The following AGO2 variants were observed in gnomAD, a reference collection of about 807,000 sequenced individuals.
The protein encoded by AGO2 is argonaute RISC catalytic component 2.
Under a neutral mutation model 102.3 loss-of-function variants are expected in AGO2, and 5 were observed. The observed-to-expected ratio is 0.05, with a 90% CI of 0.03 to 0.10. AGO2 has a LOEUF of 0.10. AGO2 is among the 10% of genes least tolerant of loss of function. AGO2 has a pLI of 1.00. For synonymous variants in AGO2, 449 were observed against 473.1 expected (o/e 0.95, Z 0.66); for missense variants, 541 against 1,183.7 (o/e 0.46, Z 7.97).
chr8:140,551,225 T>G, intron 11 of AGO2, 78 bp downstream of exon 11: 1 of 1,387,464 alleles, frequency 7.2e-7, no homozygotes, highest in Non-Finnish European at 9.4e-7. Flanking sequence ...CCAACCAGAG[T>G]CAGCCCTGCA....
At chr8:140,574,920 C>A (rs2073441649) in intron 2 of AGO2, among the ~76,000 whole-genome samples, 1 of 152,188 alleles carries the variant, frequency 6.6e-6, no homozygotes. Context: ...TCCTTCCATT[C>A]CTTTCCCAAA....
At chr8:140,591,220 T>A (rs2073742406) in intron 1 of AGO2, among the ~76,000 whole-genome samples, 1 of 152,210 alleles carries the variant, frequency 6.6e-6, no homozygotes, top group Admixed American at 6.5e-5. Flanking sequence ...TCTCCCTGAG[T>A]AGAAATTATT....
chr8:140,578,355 G>A (rs2073499034), intron 2 of AGO2, among the ~76,000 whole-genome samples: 1 of 152,236 alleles, frequency 6.6e-6, no homozygotes, highest in Non-Finnish European at 1.5e-5. Flanking sequence ...GCGGCATTGA[G>A]TGTGTCCATG....
intron 1 of AGO2, among the ~76,000 whole-genome samples, chr8:140,611,750 T>G (rs2074081307): frequency 6.6e-6 from 1 of 152,186 alleles, no homozygotes; most frequent in Admixed American, 6.5e-5. Flanking sequence ...TTTCGAGCTG[T>G]GACCTCGAGT....
At chr8:140,596,501 T>C (rs2073846127) in intron 1 of AGO2, among the ~76,000 whole-genome samples, 1 of 152,202 alleles carries the variant, frequency 6.6e-6, no homozygotes, top group Admixed American at 6.5e-5. Flanking sequence ...GATAATCACC[T>C]GAACCCTGGA....
At position 140,618,364 on chromosome 8, in the gene AGO2, G is replaced by A. The variant is rs114334971; in HGVS notation, c.22+17121C>T. 6.5e-3 allele frequency among the ~76,000 whole-genome samples: 981 copies of A among 151,074 alleles called. 15 individuals carry two copies. The highest frequency in any genetic ancestry group is 0.023 in the African/African-American group (934 of 41,180). On this transcript the variant is annotated intron_variant, in intron 1 of 18. Coordinates refer to ENST00000220592, the MANE Select transcript of AGO2 (RefSeq NM_012154.5). ...GTTGGCCAAGGGTAATGGCTCACAC[G>A]TATAATCTCAGCACTTTGGGAGGCC...
chr8:140,601,679 G>C (rs2073935436), intron 1 of AGO2, among the ~76,000 whole-genome samples: 1 of 152,238 alleles, frequency 6.6e-6, no homozygotes, highest in Non-Finnish European at 1.5e-5. Flanking sequence ...CTTGGTGTTT[G>C]CCTAGAACCT....
At chr8:140,602,380 C>G (rs1449562441) in intron 1 of AGO2, among the ~76,000 whole-genome samples, 8 of 152,184 alleles carry the variant, frequency 5.3e-5, no homozygotes. Flanking sequence ...TCCAGCATTT[C>G]GACTCAGCAT....
At chr8:140,634,368 C>A (rs1464325893) in intron 1 of AGO2, among the ~76,000 whole-genome samples, 3 of 152,264 alleles carry the variant, frequency 2.0e-5, no homozygotes, top group Non-Finnish European at 4.4e-5. Context: ...GGAATGCGAG[C>A]CTCCTCGCCC....
intron 11 of AGO2, among the ~76,000 whole-genome samples, chr8:140,549,617 C>T (rs1466208268): frequency 2.6e-5 from 4 of 152,274 alleles, no homozygotes; most frequent in Admixed American, 2.6e-4. Context: ...GTGGCGGCCC[C>T]AGGGCAGTGA....
At chr8:140,640,849 C>T in the AGO2 span, among the ~76,000 whole-genome samples, 3 of 152,140 alleles carry the variant, frequency 2.0e-5, no homozygotes, top group Non-Finnish European at 2.9e-5. Context: ...GATGTGAAGA[C>T]CACCCAGAGC....
At chr8:140,532,827 T>G in intron 17 of AGO2, 2 of 505,040 alleles carry the variant, frequency 4.0e-6, no homozygotes, top group Non-Finnish European at 7.1e-6. Flanking sequence ...AAACCCCATC[T>G]CTACTAAAAA....
At chr8:140,536,065 C>A (rs1305044270) in intron 16 of AGO2, among the ~76,000 whole-genome samples, 2 of 152,200 alleles carry the variant, frequency 1.3e-5, no homozygotes, top group Admixed American at 1.3e-4. Context: ...GCGCCCAGCA[C>A]CTGAGAGAGC....
chr8:140,577,973 C>A (rs923577018), intron 2 of AGO2, among the ~76,000 whole-genome samples: 12 of 152,192 alleles, frequency 7.9e-5, no homozygotes, highest in Non-Finnish European at 4.4e-5. Context: ...GGAGGCTGTT[C>A]GGTCATGCCA....
chr8:140,614,882 T>C (rs1341534777), intron 1 of AGO2, among the ~76,000 whole-genome samples: 2 of 152,212 alleles, frequency 1.3e-5, no homozygotes, highest in Non-Finnish European at 2.9e-5. Context: ...ACTGAAGTCA[T>C]GAGAACTCAC....
chr8:140,618,019 T>C (rs1341404894), intron 1 of AGO2, among the ~76,000 whole-genome samples: 3 of 144,668 alleles, frequency 2.1e-5, no homozygotes, highest in East Asian at 2.1e-4. Context: ...AAAAAAAAAG[T>C]TGGGCCAGGC....
rs962880316 is a variant in AGO2 at position 140,567,033 on chromosome 8, C to T, written c.337-4399G>A. ...AGCACTCGGCATCCAGCCTACAGTG[C>T]TGTGCCCTGGCACGGATCGGATGCC... is the stretch of plus-strand genomic sequence containing the variant. On this transcript the variant is annotated intron_variant, in intron 3 of 18. Transcript: ENST00000220592. This position sits in a 1 kb window ranked among gnomAD's most constrained non-coding sequence, Gnocchi z 5.0. 1.3e-5 allele frequency among the ~76,000 whole-genome samples: 2 copies of T among 152,382 alleles called. No individual in the cohort carries two copies. Among genetic ancestry groups the T allele is most frequent in the South Asian group, 2.1e-4 (1 of 4,828 alleles).
At chr8:140,560,903 C>T (rs1164926106) in intron 4 of AGO2, among the ~76,000 whole-genome samples, 1 of 152,238 alleles carries the variant, frequency 6.6e-6, no homozygotes, top group South Asian at 2.1e-4. Context: ...AATTGGGCAC[C>T]TGCCAAGTGC....
chr8:140,577,076 C>T (rs1365712419), intron 2 of AGO2, among the ~76,000 whole-genome samples: 5 of 151,804 alleles, frequency 3.3e-5, no homozygotes, highest in African/African-American at 9.7e-5. Context: ...GACGTGGTGG[C>T]GGGCACCTGT....
Sources: allele counts gnomAD v4.1 joint callset (sites outside exome capture counted in the v4.1 genomes callset), GRCh38; gene constraint gnomAD v4.1.1; non-coding constraint Gnocchi (gnomAD v3.1); transcripts MANE v1.5; gene names NCBI Gene and HGNC (gene_info 2026-07-23, HGNC 2026-07-21).